The following CASP2 variants were observed in gnomAD, a reference collection of about 807,000 sequenced individuals.
The protein encoded by CASP2 is caspase 2.
Under a neutral mutation model 54.4 loss-of-function variants are expected in CASP2, and 38 were observed. The ratio of observed to expected loss-of-function variants is 0.70; its 90% CI spans 0.54 to 0.92. The LOEUF (loss-of-function observed/expected upper bound fraction) is 0.92, where lower values mean the gene tolerates loss of function less well. CASP2 is among the 40% of genes least tolerant of loss of function. The pLI, the probability that CASP2 is intolerant of heterozygous loss-of-function variation, is 0.00. For synonymous variants in CASP2, 215 were observed against 216.3 expected, an observed-to-expected ratio of 0.99 and a Z score of 0.05; for missense variants, 512 against 579.6, an observed-to-expected ratio of 0.88 and a Z score of 1.20.
chr7:143,293,040 A>C, intron 4 of CASP2: 1 of 601,070 alleles, frequency 1.7e-6, no homozygotes. Context: ...AATAAAAAGG[A>C]GGGGGGTGTC....
chr7:143,294,174 T>C (rs1256593330), intron 4 of CASP2, 56 bp from the exon 5 acceptor site: 6 of 946,308 alleles, frequency 6.3e-6, no homozygotes, highest in Admixed American at 3.4e-5. Flanking sequence ...CAATGACATA[T>C]TAAGATTGAT....
intron 9 of CASP2, among the ~76,000 whole-genome samples, 168 bp from the exon 10 acceptor site, chr7:143,304,506 G>A (rs564026724): frequency 5.3e-5 from 8 of 152,078 alleles, no homozygotes; most frequent in Non-Finnish European, 8.8e-5. Flanking sequence ...ACAGACCTAC[G>A]GTATCTCCAA....
At chr7:143,303,540 T>C in intron 8 of CASP2, 1 of 447,412 alleles carries the variant, frequency 2.2e-6, no homozygotes, top group East Asian at 4.4e-5. Context: ...TCCAACCGCA[T>C]AGATGTGCAT....
At chr7:143,288,919 C>CT (rs1251970048) in intron 1 of CASP2, among the ~76,000 whole-genome samples, 1 of 152,266 alleles carries the variant, frequency 6.6e-6, no homozygotes, top group Non-Finnish European at 1.5e-5. Flanking sequence ...ACGAGACCTT[C>CT]TGCAGACCTC....
intron 4 of CASP2, chr7:143,293,039 G>A: frequency 1.7e-6 from 1 of 603,220 alleles, no homozygotes; most frequent in Non-Finnish European, 2.9e-6. Flanking sequence ...AAATAAAAAG[G>A]AGGGGGGTGT....
chr7:143,304,344 T>C (rs550831194), intron 9 of CASP2, among the ~76,000 whole-genome samples: 1 of 152,368 alleles, frequency 6.6e-6, no homozygotes, highest in Non-Finnish European at 1.5e-5. Context: ...AAAGTATGTT[T>C]TAATTACAGC....
intron 7 of CASP2, 44 bp from the exon 8 acceptor site, chr7:143,300,160 C>T (rs368359334): frequency 7.3e-5 from 118 of 1,612,594 alleles, no homozygotes; most frequent in South Asian, 5.3e-4. Flanking sequence ...TAGGAGGCCC[C>T]GCTGAATGCT....
intron 5 of CASP2, 102 bp from the exon 6 acceptor site, chr7:143,294,495 A>G (rs1460280991): frequency 3.2e-6 from 4 of 1,251,134 alleles, no homozygotes; most frequent in Non-Finnish European, 4.7e-6. Context: ...CTGGAGGTTA[A>G]GAAGAAAAAT....
chr7:143,300,590 G>A (rs1801887295), intron 8 of CASP2: 1 of 1,439,352 alleles, frequency 6.9e-7, no homozygotes, highest in East Asian at 3.1e-5. Flanking sequence ...ACTCTTTTCT[G>A]TGCTTCATTA....
At position 143,303,949 on chromosome 7, in the gene CASP2, A is replaced by G. The variant is rs1380919001; in HGVS notation, c.1117+16A>G. The stretch of plus-strand genomic sequence containing the variant: ...TGCCTCAAAGGTACTTTGAGTTCCA[A>G]AAGAGTTGAGTCATACCTCATTTTG... On this transcript the variant is annotated intron_variant, in intron 9 of 10. Transcript: ENST00000310447. 1 of 1,568,756 alleles carries G rather than the reference A, an allele frequency of 6.4e-7. No individual in the cohort carries two copies. Among genetic ancestry groups the G allele is most frequent in the Non-Finnish European group, 8.6e-7 (1 of 1,156,248 alleles).
chr7:143,297,911 T>C (rs1423131036), intron 6 of CASP2, among the ~76,000 whole-genome samples: 1 of 152,258 alleles, frequency 6.6e-6, no homozygotes, highest in African/African-American at 2.4e-5. Flanking sequence ...TCTATTATTA[T>C]GGTTTGCTTC....
chr7:143,294,566 G>T (rs200384110), intron 5 of CASP2, 31 bp from the exon 6 acceptor site: 21 of 1,601,910 alleles, frequency 1.3e-5, no homozygotes, highest in Non-Finnish European at 1.8e-5. Context: ...TTATCAAGAC[G>T]CTCATGGTCT....
intron 6 of CASP2, among the ~76,000 whole-genome samples, chr7:143,296,836 C>T (rs542862363): frequency 6.6e-6 from 1 of 152,060 alleles, no homozygotes; most frequent in African/African-American, 2.4e-5. Context: ...GTCTTAGAGA[C>T]TCCTCTTCCC....
chr7:143,289,441 G>A (rs1296845064), intron 1 of CASP2: 1 of 154,336 alleles, frequency 6.5e-6, no homozygotes, highest in African/African-American at 2.4e-5. Flanking sequence ...TAAGTTGCAA[G>A]TATGGGTGAG....
intron 2 of CASP2, 145 bp downstream of exon 2, chr7:143,291,835 A>G (rs1051363815): frequency 7.5e-6 from 5 of 670,440 alleles, no homozygotes; most frequent in African/African-American, 6.5e-5. Flanking sequence ...CTGGAGTACA[A>G]TGGCGCGATC....
chr7:143,292,266 A>T, intron 2 of CASP2, 34 bp from the exon 3 acceptor site: 3 of 1,607,772 alleles, frequency 1.9e-6, no homozygotes, highest in Non-Finnish European at 2.6e-6. Context: ...CTAGAGAAGT[A>T]AATATGATTT....
intron 4 of CASP2, 146 bp downstream of exon 4, chr7:143,292,844 C>G (rs930127830): frequency 8.6e-6 from 6 of 698,736 alleles, no homozygotes; most frequent in Middle Eastern, 3.8e-4. Flanking sequence ...AACCCCGTCT[C>G]TACTAAAAAT....
Position 143,306,337 on chromosome 7 carries a change from A to C in CASP2, c.*1266A>C, listed in dbSNP as rs1802064217. On this transcript the variant is annotated 3_prime_UTR_variant, in exon 11 of 11. Transcript: ENST00000310447. ...AGTGGCACGATCTCAGCTCACTGCAAGCTCCAACTCCCGGGTTCACGCCAT... is the reference window on the plus strand; with the variant it reads ...AGTGGCACGATCTCAGCTCACTGCACGCTCCAACTCCCGGGTTCACGCCAT... 6.8e-6 allele frequency: 1 copy of C among 147,284 alleles called. No homozygotes were observed. The highest frequency in any genetic ancestry group is 1.5e-5 in the Non-Finnish European group (1 of 67,388). 9.1% of individuals were successfully genotyped at this position (147,284 alleles called of 1,614,324 possible).
chr7:143,291,786 T>TTTTTTTTTTTTTTTG (rs1801574844), intron 2 of CASP2, 96 bp downstream of exon 2: 1 of 1,014,038 alleles, frequency 9.9e-7, no homozygotes, highest in African/African-American at 2.1e-5. Flanking sequence ...CTTCCTTTTT[T>TTTTTTTTTTTTTTTG]TTTTTTTTTT....
Sources: allele counts gnomAD v4.1 joint callset (sites outside exome capture counted in the v4.1 genomes callset), GRCh38; gene constraint gnomAD v4.1.1; transcripts MANE v1.5; gene names NCBI Gene and HGNC (gene_info 2026-07-23, HGNC 2026-07-21).